Variants in WRN observed in about 807,000 individuals in gnomAD.
The protein encoded by WRN is bifunctional 3'-5' exonuclease/ATP-dependent helicase WRN.
In WRN, 149 loss-of-function variants were observed where a neutral mutation model predicts 180.7. The observed-to-expected ratio is 0.82, with a 90% CI of 0.72 to 0.94. The LOEUF is 0.94. Ranked by LOEUF, WRN falls within the 40% of genes least tolerant of loss-of-function variation. WRN has a pLI of 0.00. For missense variants in WRN, 1,661 were observed against 1,700.1 expected, an observed-to-expected ratio of 0.98 and a Z score of 0.40; for synonymous variants, 548 against 568.9, an observed-to-expected ratio of 0.96 and a Z score of 0.52.
At position 31,120,023 on chromosome 8, in the gene WRN, A is replaced by AT. The variant is rs1801661845; in HGVS notation, c.2449-214dup. The AT allele has an allele frequency of 9.2e-5, 50 of 541,254 alleles. 1 individual carries two copies. Among genetic ancestry groups the AT allele is most frequent in the South Asian group, 9.1e-4 (45 of 49,414 alleles). 33.5% of individuals were successfully genotyped at this position (541,254 alleles called of 1,614,324 possible). ...GTTCAGATAGACCACTTTATTTACTATTTTTTATAGAGAGTGAACAGAAAT... is the reference window on the plus strand; with the variant it reads ...GTTCAGATAGACCACTTTATTTACTATTTTTTTATAGAGAGTGAACAGAAAT... On this transcript the variant is annotated intron_variant, in intron 20 of 34. Transcript: ENST00000298139.
intron 17 of WRN, among the ~76,000 whole-genome samples, chr8:31,100,192 C>T (rs1739460400): frequency 6.6e-6 from 1 of 152,178 alleles, no homozygotes; most frequent in Non-Finnish European, 1.5e-5. Flanking sequence ...TTCTGACATG[C>T]ATTACAACAC....
At chr8:31,041,689 AGAG>A (rs1160017544) in intron 1 of WRN, among the ~76,000 whole-genome samples, 1 of 152,192 alleles carries the variant, frequency 6.6e-6, no homozygotes, top group African/African-American at 2.4e-5. Context: ...GTTTAAGTGG[AGAG>A]GAGAAGGTAT....
rs776989868 is a variant in WRN at position 31,154,750 on chromosome 8, C to T, written c.3814C>T (p.Pro1272Ser). Residue 1272 changes from proline (P) to serine (S), a missense_variant, in exon 32 of 35, where the codon CCT becomes TCT. Pro to Ser is a moderately conservative substitution (Grantham distance 74). Around this residue, in one of 3 missense-constraint regions of WRN, gnomAD observed 1,141 missense variants for 1,149.4 expected, o/e 0.99. Coordinates refer to ENST00000298139, the MANE Select transcript of WRN (RefSeq NM_000553.6). Reference protein sequence around the residue: ...TYSLFQEKKMPLKSIAESRIL... With the variant: ...TYSLFQEKKMSLKSIAESRIL... ...CTCTTTATTCCAAGAAAAGAAGATG[C>T]CTTTGGTAAGTGTGACTTTCATGTT... is the stretch of plus-strand genomic sequence containing the variant. 1 of 1,613,300 alleles carries T rather than the reference C, an allele frequency of 6.2e-7. No homozygotes were observed. Among genetic ancestry groups the T allele is most frequent in the Non-Finnish European group, 8.5e-7 (1 of 1,179,592 alleles).
chr8:31,171,701 T>C (rs1212286377), intron 34 of WRN: 3 of 152,222 alleles, frequency 2.0e-5, no homozygotes, highest in Non-Finnish European at 4.4e-5. Flanking sequence ...AGTTTTTACC[T>C]TTTTTAAATA....
chr8:31,153,474 A>G (rs185024254), intron 31 of WRN, among the ~76,000 whole-genome samples: 1 of 152,196 alleles, frequency 6.6e-6, no homozygotes, highest in Non-Finnish European at 1.5e-5. Flanking sequence ...AAACAGAAAC[A>G]TGTAACACCT....
chr8:31,173,063 A>C lies in WRN; in HGVS notation c.4260A>C (p.Lys1420Asn), dbSNP rs774839008. 6.2e-7 allele frequency: 1 copy of C among 1,614,068 alleles called. No homozygotes were observed. The highest frequency in any genetic ancestry group is 8.5e-7 in the Non-Finnish European group (1 of 1,179,970). The change falls in exon 35 of 35, where the codon AAA becomes AAC. Residue 1420 changes from lysine to asparagine, a missense_variant. This residue lies in a region of WRN where 1,141 missense variants were observed against 1,149.4 expected (regional missense o/e 0.99). Coordinates refer to ENST00000298139, the MANE Select transcript of WRN (RefSeq NM_000553.6). ...CCAAAGGAAGTGATACCAGCAAGAA[A>C]TTAATGGACAAAACGAAAAGGGGAG... ...WFAKGSDTSKKLMDKTKRGGL... is the reference protein window; with the variant it reads ...WFAKGSDTSKNLMDKTKRGGL...
intron 1 of WRN, among the ~76,000 whole-genome samples, chr8:31,034,442 T>C (rs1811367713): frequency 6.6e-6 from 1 of 152,228 alleles, no homozygotes; most frequent in Non-Finnish European, 1.5e-5. Context: ...CTAGGTTTGA[T>C]ATGAAAAATA....
At chr8:31,055,627 G>A (rs1336490763) in intron 1 of WRN, among the ~76,000 whole-genome samples, 2 of 146,912 alleles carry the variant, frequency 1.4e-5, no homozygotes, top group African/African-American at 5.1e-5. Flanking sequence ...TTTTTTTCTT[G>A]TAAATTTGTT....
At chr8:31,114,817 T>C (rs951451739) in intron 19 of WRN, among the ~76,000 whole-genome samples, 4 of 152,108 alleles carry the variant, frequency 2.6e-5, no homozygotes, top group African/African-American at 9.7e-5. Flanking sequence ...AATTAGAGCC[T>C]TAATATATAG....
At chr8:31,096,953 A>G (rs1814012424) in intron 17 of WRN, 103 bp downstream of exon 17, 2 of 1,075,704 alleles carry the variant, frequency 1.9e-6, no homozygotes, top group South Asian at 1.3e-5. Context: ...GTTTATTTCA[A>G]ACATTACTTC....
intron 1 of WRN, among the ~76,000 whole-genome samples, chr8:31,048,669 G>T (rs540086421): frequency 6.6e-6 from 1 of 152,050 alleles, no homozygotes; most frequent in Non-Finnish European, 1.5e-5. Flanking sequence ...AGTTTATTGC[G>T]CTTTCTGTTA....
intron 7 of WRN, among the ~76,000 whole-genome samples, chr8:31,071,667 A>T (rs1812918009): frequency 6.6e-6 from 1 of 152,022 alleles, no homozygotes; most frequent in South Asian, 2.1e-4. Flanking sequence ...TGTTTAGTGG[A>T]GATGTGGTTT....
intron 1 of WRN, among the ~76,000 whole-genome samples, chr8:31,048,786 G>A (rs908770358): frequency 1.3e-5 from 2 of 152,130 alleles, no homozygotes; most frequent in Non-Finnish European, 2.9e-5. Context: ...ACAACCAAAC[G>A]GAATTGCTGG....
At chr8:31,149,624 G>A (rs11574369) in intron 30 of WRN, among the ~76,000 whole-genome samples, 52,644 of 149,898 alleles carry the variant, frequency 0.35, 9,477 homozygotes, top group South Asian at 0.42. Flanking sequence ...ACAGGTGCGC[G>A]CTGCCACCCC....
intron 34 of WRN, among the ~76,000 whole-genome samples, chr8:31,169,002 C>G (rs540331110): frequency 3.2e-4 from 49 of 152,034 alleles, no homozygotes; most frequent in African/African-American, 1.1e-3. Context: ...TCTTTTATTT[C>G]TGGAAAGTTT....
intron 3 of WRN, among the ~76,000 whole-genome samples, chr8:31,059,704 G>A (rs1457023128): frequency 7.9e-5 from 12 of 151,960 alleles, no homozygotes; most frequent in African/African-American, 1.5e-4. Flanking sequence ...GGCTATGATC[G>A]GCTCTGTTGT....
chr8:31,080,754 T>A, intron 8 of WRN, 113 bp from the exon 9 acceptor site: 9 of 852,818 alleles, frequency 1.1e-5, no homozygotes, highest in Non-Finnish European at 1.6e-5. Flanking sequence ...ATACTATTGA[T>A]CTTTTAAGTG....
chr8:31,078,776 A>C (rs989856311), intron 8 of WRN, among the ~76,000 whole-genome samples: 1 of 152,238 alleles, frequency 6.6e-6, no homozygotes, highest in Admixed American at 6.5e-5. Context: ...ACTAATATGC[A>C]TAATAACAAT....
chr8:31,162,743 A>C (rs761592005), intron 33 of WRN, among the ~76,000 whole-genome samples: 1 of 152,180 alleles, frequency 6.6e-6, no homozygotes, highest in Admixed American at 6.5e-5. Context: ...TTTCAGCTCC[A>C]TGATAATCTA....
Sources: gnomAD v4.1 joint callset for allele counts (sites outside exome capture counted in the v4.1 genomes callset) on GRCh38, gnomAD v4.1.1 for gene constraint, gnomAD v4.1.1 regional missense constraint, MANE v1.5 for transcripts, NCBI Gene and HGNC (gene_info 2026-07-23, HGNC 2026-07-21) for gene names.